Variants in C1QTNF9B observed in about 807,000 individuals in gnomAD.
C1QTNF9B encodes the protein complement C1q and tumor necrosis factor-related protein 9B.
A neutral mutation model predicts 10.1 loss-of-function variants in C1QTNF9B; 9 were observed. That is an observed-to-expected ratio of 0.89 (90% CI 0.53 to 1.55). C1QTNF9B has a LOEUF of 1.55. Ranked by LOEUF, C1QTNF9B falls within the 40% of genes most tolerant of loss-of-function variation. C1QTNF9B has a pLI of 0.00. For missense variants in C1QTNF9B, 196 were observed against 414.4 expected, an observed-to-expected ratio of 0.47 and a Z score of 4.58; for synonymous variants, 79 against 159.9, an observed-to-expected ratio of 0.49 and a Z score of 3.82.
exon 3 of C1QTNF9B, chr13:23,891,974 G>C (rs2137563247): frequency 1.2e-6 from 2 of 1,614,048 alleles, no homozygotes; most frequent in South Asian, 2.2e-5. Flanking sequence ...CATGGGCCCT[G>C]CAAGCCCCTT....
chr13:23,894,911 C>T (rs1237528816), intron 1 of C1QTNF9B, among the ~76,000 whole-genome samples: 1 of 152,134 alleles, frequency 6.6e-6, no homozygotes, highest in Non-Finnish European at 1.5e-5. Context: ...CACAGCTCAC[C>T]CCAGACTCTG....
rs375679821 is a variant in C1QTNF9B at position 23,894,142 on chromosome 13, G to A, written c.226C>T (p.Arg76Ter). Residue 76 changes from arginine to a stop codon, truncating the protein, a stop_gained, in exon 2 of 3, where the codon CGA (arginine) becomes TGA (stop). Coordinates refer to ENST00000382137, the Ensembl canonical transcript of C1QTNF9B. LOFTEE classifies it low-confidence loss of function (END_TRUNC). The stretch of plus-strand genomic sequence containing the variant: ...ACCATAAATAGGAACTACTAACCTC[G>A]TTCTCCCTTCTCTCCACTCGTCCCA... 1.1e-5 allele frequency: 16 copies of A among 1,523,348 alleles called. No individual in the cohort carries two copies. The highest frequency in any genetic ancestry group is 3.3e-5 in the South Asian group (3 of 89,566). 94.4% of individuals were successfully genotyped at this position (1,523,348 alleles called of 1,614,324 possible).
At chr13:23,897,045 G>T, upstream of C1QTNF9B, 2 of 1,607,496 alleles carry the variant, frequency 1.2e-6, no homozygotes, top group East Asian at 2.2e-5. Context: ...AGAAACCTTT[G>T]TTGCTGGGGC....
rs370293437 is a variant in C1QTNF9B at position 23,896,848 on chromosome 13, C to T, written c.139G>A (p.Gly47Arg). ...GCATCGCCTTTGTCACCCTTCGCTC[C>T]GTCTCGTCCATCTCTTCCAGGCAGA... The change falls in exon 1 of 3, where the codon GGA becomes AGA. Residue 47 changes from glycine (G) to arginine (R), a missense_variant. By Grantham distance (125) the Gly-to-Arg change is moderately radical. Around this residue, in one of 5 missense-constraint regions of C1QTNF9B, gnomAD observed 46 missense variants for 64.5 expected, o/e 0.71. Transcript: ENST00000382137. The T allele has an allele frequency of 4.2e-5, 68 of 1,613,350 alleles. No homozygotes were observed. The highest frequency in any genetic ancestry group is 1.7e-4 in the African/African-American group (13 of 75,050).
chr13:23,891,475 T>A, exon 3 of C1QTNF9B: 5 of 1,586,784 alleles, frequency 3.2e-6, no homozygotes, highest in Non-Finnish European at 4.3e-6. Flanking sequence ...TGTGCAGTAT[T>A]TTTACTCCGT....
At chr13:23,895,152 G>A (rs571208605) in intron 1 of C1QTNF9B, among the ~76,000 whole-genome samples, 4 of 151,960 alleles carry the variant, frequency 2.6e-5, no homozygotes, top group African/African-American at 7.2e-5. Flanking sequence ...CCCTCCCTGC[G>A]CTCCCCTTCC....
At chr13:23,897,437 A>G (rs1276909473), upstream of C1QTNF9B, 1 of 178,612 alleles carries the variant, frequency 5.6e-6, no homozygotes, top group Non-Finnish European at 1.2e-5. Flanking sequence ...CAGCAATTCC[A>G]CTGCTGTGCA....
chr13:23,893,593 C>T (rs1323803429), intron 2 of C1QTNF9B, among the ~76,000 whole-genome samples: 2 of 152,172 alleles, frequency 1.3e-5, no homozygotes, highest in Non-Finnish European at 2.9e-5. Context: ...CCATCTCAGC[C>T]TCCTGAGTAG....
chr13:23,894,704 G>A, intron 1 of C1QTNF9B: 2 of 452,144 alleles, frequency 4.4e-6, no homozygotes, highest in South Asian at 3.1e-5. Context: ...AGAGAGTTCT[G>A]GAGGGATCCC....
At chr13:23,897,306 C>T (rs1418620682), upstream of C1QTNF9B, 2 of 435,228 alleles carry the variant, frequency 4.6e-6, no homozygotes. Flanking sequence ...GAAATCACTT[C>T]TCTTAACCAC....
rs199810864 is a variant in C1QTNF9B, at chr13:23,891,253, G to C, written c.*36C>G. 4.1e-6 allele frequency: 6 copies of C among 1,458,360 alleles called. No individual in the cohort carries two copies. In the East Asian group the frequency reaches 1.1e-4, roughly 28 times the overall value. The allele number at this position is 1,458,360 out of a possible 1,614,324, so 90.3% of individuals were successfully genotyped here. A position where few individuals can be genotyped will look rare whatever the true frequency, so the allele number is the denominator to read the frequency against. On this transcript the variant is annotated 3_prime_UTR_variant, in exon 3 of 3. Coordinates refer to ENST00000382137, the Ensembl canonical transcript of C1QTNF9B. ...AATAAGTTCATCCCAAGCTGATTCT[G>C]ATGGATGGTCTGGCAGATTTATAAA...
rs1872027700 is a variant in C1QTNF9B, at chr13:23,892,207, A to C, written c.230-146T>G. The C allele has an allele frequency of 5.0e-6, 7 of 1,394,332 alleles. No homozygotes were observed. In the South Asian group the frequency reaches 7.3e-5, roughly 15 times the overall value. 86.4% of individuals were successfully genotyped at this position (1,394,332 alleles called of 1,614,324 possible). On this transcript the variant is annotated intron_variant, in intron 2 of 2. Transcript: ENST00000382137. Reference sequence around the variant, plus strand: ...CCAGAGTTTAAAATTCAATTACTCCATCTGGGTGCGGTGGCTCACACCTGT... The same window carrying C: ...CCAGAGTTTAAAATTCAATTACTCCCTCTGGGTGCGGTGGCTCACACCTGT...
intron 1 of C1QTNF9B, among the ~76,000 whole-genome samples, chr13:23,895,830 G>A (rs1269154655): frequency 6.6e-6 from 1 of 151,984 alleles, no homozygotes; most frequent in East Asian, 1.9e-4. Context: ...ATTTCATTAA[G>A]GGTAAGGTTT....
At chr13:23,894,297 G>A (rs1376499828) in intron 1 of C1QTNF9B, 96 bp from the exon 4 acceptor site, 3 of 1,146,674 alleles carry the variant, frequency 2.6e-6, no homozygotes, top group South Asian at 1.2e-5. Flanking sequence ...AGAGTCTGGG[G>A]GTGACCCCCG....
chr13:23,896,980 T>G lies in C1QTNF9B; in HGVS notation c.7A>C (p.Ile3Leu), dbSNP rs1348683820. The G allele has an allele frequency of 1.9e-6, 3 of 1,613,692 alleles. No individual in the cohort carries two copies. In the African/African-American group the frequency reaches 4.0e-5, roughly 22 times the overall value. ...TCAATGGCAAGCAGAAGCCACCAGA[T>G]CCTCATGGTTCAGATGACAGACTGA... The change falls in exon 1 of 3, where the codon ATC becomes CTC. Residue 3 changes from isoleucine (I) to leucine (L), a missense_variant. By Grantham distance (5) the Ile-to-Leu change is conservative. This residue lies in a region of C1QTNF9B where 46 missense variants were observed against 64.5 expected (regional missense o/e 0.71). Transcript: ENST00000382137.
At chr13:23,892,485 T>C (rs1159135891) in intron 2 of C1QTNF9B, among the ~76,000 whole-genome samples, 1 of 151,934 alleles carries the variant, frequency 6.6e-6, no homozygotes, top group Non-Finnish European at 1.5e-5. Flanking sequence ...CAAAACCTCA[T>C]CTCTGCAAAA....
In C1QTNF9B at chr13:23,896,077, T is replaced by C. The variant is rs575344101; in HGVS notation, c.166+744A>G. Among the ~76,000 whole-genome samples the C allele has an allele frequency of 9.8e-5, 15 of 152,308 alleles. No homozygotes were observed. In the South Asian group the frequency reaches 2.9e-3, roughly 29 times the overall value. On this transcript the variant is annotated intron_variant, in intron 1 of 2. Transcript: ENST00000382137. ...ACAAACTTATTTGTAAAAAGGTCCATAGAAGTTTTGATATTTTCTTTCTAA... is the reference window on the plus strand; with the variant it reads ...ACAAACTTATTTGTAAAAAGGTCCACAGAAGTTTTGATATTTTCTTTCTAA...
chr13:23,895,848 C>T (rs946251641), intron 1 of C1QTNF9B, among the ~76,000 whole-genome samples: 11 of 151,942 alleles, frequency 7.2e-5, no homozygotes, highest in African/African-American at 2.7e-4. Context: ...TTTTAGTATT[C>T]ATTTGGACTG....
chr13:23,893,009 C>A lies in C1QTNF9B; in HGVS notation c.230-948G>T, dbSNP rs573139390. ...CCCACCTATCCCACCGGCAATTCAT[C>A]ATCTACAGAAACCTTGCTGCTTCCT... On this transcript the variant is annotated intron_variant, in intron 2 of 2. Transcript: ENST00000382137. 2.4e-3 allele frequency among the ~76,000 whole-genome samples: 372 copies of A among 152,306 alleles called. 5 individuals are homozygous for A. Among genetic ancestry groups the A allele is most frequent in the African/African-American group, 8.5e-3 (355 of 41,572 alleles).
Sources: allele counts gnomAD v4.1 joint callset (sites outside exome capture counted in the v4.1 genomes callset), GRCh38; gene constraint gnomAD v4.1.1; regional missense constraint gnomAD v4.1.1; transcripts MANE v1.5; gene names NCBI Gene and HGNC (gene_info 2026-07-23, HGNC 2026-07-21).